FOXN3: variants seen among roughly 807,000 people sequenced by gnomAD.
FOXN3 encodes forkhead box N3.
FOXN3 carries 7 observed loss-of-function variants against 38.4 expected under a neutral mutation model. That is an observed-to-expected ratio of 0.18 (90% CI 0.10 to 0.34). The LOEUF (loss-of-function observed/expected upper bound fraction) is 0.34, where lower values mean the gene tolerates loss of function less well. Among genes scored for constraint, FOXN3 ranks in the 10% least tolerant of loss-of-function variants. The pLI, the probability that FOXN3 is intolerant of heterozygous loss-of-function variation, is 1.00. For missense variants in FOXN3, 456 were observed against 613.4 expected (o/e 0.74, Z 2.71); for synonymous variants, 230 against 242.2 (o/e 0.95, Z 0.47).
chr14:89,568,563 T>G (rs1895415502), intron 1 of FOXN3, among the ~76,000 whole-genome samples: 1 of 152,242 alleles, frequency 6.6e-6, no homozygotes, highest in Non-Finnish European at 1.5e-5. Flanking sequence ...GGACTCTTTG[T>G]AAATGTCAGC....
At chr14:89,494,767 G>C (rs1312059497) in intron 1 of FOXN3, among the ~76,000 whole-genome samples, 3 of 152,166 alleles carry the variant, frequency 2.0e-5, no homozygotes, top group African/African-American at 7.2e-5. Context: ...GTTTTAATTA[G>C]GCAAAAGCAT....
In FOXN3 at chr14:89,546,544, T is replaced by C. The variant is rs1015568241; in HGVS notation, c.-15+72484A>G. On this transcript the variant is annotated intron_variant, in intron 1 of 6. Coordinates refer to the FOXN3 transcript ENST00000345097. ...CGGGGTTTCACCATGTTGGCCAGGA[T>C]GGTCTCAATCTCTTGACCTCGTGAT... Among the ~76,000 whole-genome samples, 4 of 151,512 alleles carry C rather than the reference T, an allele frequency of 2.6e-5. No individual in the cohort carries two copies. The South Asian group carries it at 8.3e-4, about 32-fold the overall frequency.
At chr14:89,258,549 T>C (rs752999214) in intron 4 of FOXN3, among the ~76,000 whole-genome samples, 13 of 152,254 alleles carry the variant, frequency 8.5e-5, no homozygotes, top group Non-Finnish European at 1.8e-4. Context: ...GTCATTGTGA[T>C]ACCACCTGGA....
At chr14:89,428,185 T>C (rs1892082735) in intron 1 of FOXN3, among the ~76,000 whole-genome samples, 1 of 152,222 alleles carries the variant, frequency 6.6e-6, no homozygotes, top group African/African-American at 2.4e-5. Context: ...AGAATATAGA[T>C]TAAATGATTA....
chr14:89,528,028 G>C (rs185169349), intron 1 of FOXN3, among the ~76,000 whole-genome samples: 5 of 152,298 alleles, frequency 3.3e-5, no homozygotes, highest in Admixed American at 1.3e-4. Flanking sequence ...TTTTAGCAAA[G>C]ATGTGAAGCA....
At chr14:89,553,249 A>G (rs1895045443) in intron 1 of FOXN3, among the ~76,000 whole-genome samples, 1 of 145,694 alleles carries the variant, frequency 6.9e-6, no homozygotes, top group African/African-American at 2.8e-5. Context: ...AAAAAAAAAA[A>G]AAAAAAAAAA....
chr14:89,362,405 C>G lies in FOXN3; in HGVS notation c.544-11597G>C, dbSNP rs1405515567. Among the ~76,000 whole-genome samples the G allele has an allele frequency of 2.3e-3, 14 of 6,076 alleles. 1 individual carries two copies. The highest frequency in any genetic ancestry group is 2.9e-3 in the African/African-American group (13 of 4,420). The allele number at this position is 6,076 out of a possible 152,430, so 4.0% of individuals were successfully genotyped here. A position where few individuals can be genotyped will look rare whatever the true frequency, so the allele number is the denominator to read the frequency against. ...TCCACCACCACCACCTCCAGCACCACCACCACCTCCTCCTCCTCCACCACC... is the reference window on the plus strand; with the variant it reads ...TCCACCACCACCACCTCCAGCACCAGCACCACCTCCTCCTCCTCCACCACC... On this transcript the variant is annotated intron_variant, in intron 2 of 5. Transcript: ENST00000557258.
chr14:89,319,953 C>T (rs954507551), intron 3 of FOXN3, among the ~76,000 whole-genome samples: 18 of 152,282 alleles, frequency 1.2e-4, no homozygotes, highest in Admixed American at 1.0e-3. Flanking sequence ...CCAGTAAGAG[C>T]GGAAGCTCAA....
At chr14:89,618,300 T>A (rs1896530718) in intron 1 of FOXN3, among the ~76,000 whole-genome samples, 1 of 152,166 alleles carries the variant, frequency 6.6e-6, no homozygotes, top group Non-Finnish European at 1.5e-5. Context: ...CGGAGAAAGA[T>A]TGCATTTCCC....
intron 3 of FOXN3, among the ~76,000 whole-genome samples, chr14:89,306,332 ATG>A (rs1172895165): frequency 9.4e-6 from 1 of 106,652 alleles, no homozygotes; most frequent in Non-Finnish European, 2.2e-5. Flanking sequence ...ACACAGACGC[ATG>A]CACACACACA....
chr14:89,536,859 T>C (rs576072017), intron 1 of FOXN3, among the ~76,000 whole-genome samples: 39 of 152,226 alleles, frequency 2.6e-4, no homozygotes, highest in African/African-American at 9.1e-4. Context: ...CCAAAAACAA[T>C]GGTTGTGCTG....
intron 1 of FOXN3, among the ~76,000 whole-genome samples, chr14:89,584,975 C>T (rs1196922332): frequency 1.3e-5 from 2 of 152,150 alleles, no homozygotes; most frequent in African/African-American, 2.4e-5. Flanking sequence ...CTCAGCCTCC[C>T]GAAGTGCTGG....
chr14:89,524,504 G>GA (rs61150907), intron 1 of FOXN3, among the ~76,000 whole-genome samples: 57,928 of 149,138 alleles, frequency 0.39, 11,708 homozygotes, highest in East Asian at 0.6. Context: ...CAAAATTAGG[G>GA]AAAAAAATCA....
chr14:89,413,949 G>A (rs1891619364), intron 1 of FOXN3, among the ~76,000 whole-genome samples: 1 of 137,014 alleles, frequency 7.3e-6, no homozygotes, highest in Non-Finnish European at 1.6e-5. Context: ...AGGAGAAGGG[G>A]GAGGAGGAGG....
intron 4 of FOXN3, among the ~76,000 whole-genome samples, chr14:89,197,160 AC>A (rs1888118390): frequency 6.6e-6 from 1 of 152,178 alleles, no homozygotes; most frequent in Non-Finnish European, 1.5e-5. Flanking sequence ...AAACAAACAA[AC>A]AAAAATACCA....
chr14:89,591,139 T>C (rs1895942090), intron 1 of FOXN3, among the ~76,000 whole-genome samples: 1 of 152,226 alleles, frequency 6.6e-6, no homozygotes, highest in Non-Finnish European at 1.5e-5. Flanking sequence ...GTGTCGGCTG[T>C]GACCTTTACG....
chr14:89,182,073 C>T (rs1340496269), intron 4 of FOXN3, among the ~76,000 whole-genome samples: 1 of 152,176 alleles, frequency 6.6e-6, no homozygotes, highest in East Asian at 1.9e-4. Context: ...CAAACAAAGA[C>T]CGTTGAAAAG....
intron 1 of FOXN3, chr14:89,577,240 A>G (rs937660979): frequency 5.3e-5 from 8 of 152,236 alleles, no homozygotes; most frequent in Non-Finnish European, 1.0e-4. Context: ...TTCACACTTC[A>G]GAAGAGAATC....
In FOXN3 at chr14:89,416,973, A is replaced by C. The variant is rs1891756206; in HGVS notation, c.-117T>G. The stretch of plus-strand genomic sequence containing the variant: ...GCGGGCATCGCTCGGTGGCCCCGCT[A>C]AGGACGCGCGGGCGCGGCGCGGCGA... On this transcript the variant is annotated 5_prime_UTR_variant, in exon 1 of 6. The change creates a premature stop within an existing upstream ORF in the 5' untranslated region. Coordinates refer to ENST00000557258, the MANE Select transcript of FOXN3 (RefSeq NM_005197.4). 1 of 147,666 alleles carries C rather than the reference A, an allele frequency of 6.8e-6. No homozygotes were observed. Among genetic ancestry groups the C allele is most frequent in the African/African-American group, 2.5e-5 (1 of 40,778 alleles). 9.1% of individuals were successfully genotyped at this position (147,666 alleles called of 1,614,324 possible).
Sources: allele counts gnomAD v4.1 joint callset (sites outside exome capture counted in the v4.1 genomes callset), GRCh38; gene constraint gnomAD v4.1.1; transcripts MANE v1.5; gene names NCBI Gene and HGNC (gene_info 2026-07-23, HGNC 2026-07-21).